Variants in NBEA observed in about 807,000 individuals in gnomAD.
NBEA encodes the protein neurobeachin, also known as lysosomal-trafficking regulator 2.
In NBEA, 44 loss-of-function variants were observed where a neutral mutation model predicts 343.4. The ratio of observed to expected loss-of-function variants is 0.13; its 90% CI spans 0.10 to 0.16. The LOEUF (loss-of-function observed/expected upper bound fraction) is 0.16. NBEA is among the 10% of genes least tolerant of loss of function. The probability of loss-of-function intolerance (pLI) is 1.00; values close to 1 mark genes in which losing one functional copy is unlikely to be tolerated. For synonymous variants in NBEA, 1,175 were observed against 1,238.7 expected (o/e 0.95, Z 1.08); for missense variants, 2,555 against 3,631.3 (o/e 0.70, Z 7.62).
intron 48 of NBEA, among the ~76,000 whole-genome samples, chr13:35,608,334 T>C (rs1215641888): frequency 6.6e-6 from 1 of 152,232 alleles, no homozygotes; most frequent in African/African-American, 2.4e-5. Flanking sequence ...CTTCAATTTA[T>C]ATTTTTAATG....
intron 1 of NBEA, among the ~76,000 whole-genome samples, chr13:34,996,530 C>T (rs1397051120): frequency 6.6e-6 from 1 of 151,416 alleles, no homozygotes; most frequent in African/African-American, 2.4e-5. Flanking sequence ...ATCAAAATTA[C>T]CTTGGTTTTT....
chr13:35,214,477 C>T (rs1469767127), intron 33 of NBEA, among the ~76,000 whole-genome samples: 1 of 151,516 alleles, frequency 6.6e-6, no homozygotes, highest in Non-Finnish European at 1.5e-5. Flanking sequence ...GTTTTCTTTC[C>T]TATTGATTAA....
intron 1 of NBEA, among the ~76,000 whole-genome samples, chr13:35,033,341 T>C (rs2062310986): frequency 6.6e-6 from 1 of 151,982 alleles, no homozygotes; most frequent in Admixed American, 6.6e-5. Flanking sequence ...TTCTGGGTTC[T>C]CTATTTTGTT....
chr13:35,208,289 A>G (rs965937932), intron 31 of NBEA, among the ~76,000 whole-genome samples: 2 of 152,174 alleles, frequency 1.3e-5, no homozygotes, highest in Admixed American at 6.5e-5. Flanking sequence ...ATGTTTTTAC[A>G]TATTTATGAA....
At chr13:35,445,784 A>T (rs1199695829) in intron 39 of NBEA, among the ~76,000 whole-genome samples, 2 of 19,396 alleles carry the variant, frequency 1.0e-4, no homozygotes, top group African/African-American at 2.9e-4. Context: ...ATAAATGTTT[A>T]TATATATATA....
At chr13:35,553,494 A>G (rs368792104) in intron 43 of NBEA, among the ~76,000 whole-genome samples, 125 of 152,214 alleles carry the variant, frequency 8.2e-4, no homozygotes, top group Middle Eastern at 3.4e-3. Context: ...TAGCAATTCA[A>G]TAAATATTGG....
chr13:35,367,758 T>C (rs1330561237), intron 38 of NBEA, among the ~76,000 whole-genome samples: 2 of 151,466 alleles, frequency 1.3e-5, no homozygotes, highest in Non-Finnish European at 3.0e-5. Context: ...GAAGAAAGAC[T>C]TTTGAAGTCT....
At chr13:35,472,706 T>G (rs2075707764) in intron 41 of NBEA, among the ~76,000 whole-genome samples, 170 bp downstream of exon 41, 1 of 152,212 alleles carries the variant, frequency 6.6e-6, no homozygotes, top group Non-Finnish European at 1.5e-5. Context: ...GAAGAATATA[T>G]TAATGAATTT....
chr13:35,208,692 C>A lies in NBEA; in HGVS notation c.5367-8C>A. On this transcript the variant is annotated splice_polypyrimidine_tract_variant and splice_region_variant and intron_variant, in intron 31 of 58. Transcript: ENST00000379939. ...GTTTGTTATTTTCAATCCTTCATTT[C>A]TTTGCAGGAGTGTTGTGGTGCCTGT... 6.5e-7 allele frequency: 1 copy of A among 1,535,620 alleles called. No homozygotes were observed. Among genetic ancestry groups the A allele is most frequent in the Non-Finnish European group, 8.8e-7 (1 of 1,134,506 alleles).
chr13:34,967,789 C>G (rs2059872097), intron 1 of NBEA, among the ~76,000 whole-genome samples: 1 of 152,056 alleles, frequency 6.6e-6, no homozygotes, highest in Non-Finnish European at 1.5e-5. Flanking sequence ...TTTTTCAACA[C>G]CAATTCTCTG....
In NBEA at chr13:35,168,992, T is replaced by C. The variant is rs1406564583; in HGVS notation, c.4239T>C (p.Ser1413=). 3 of 1,501,856 alleles carry C rather than the reference T, an allele frequency of 2.0e-6. No individual in the cohort carries two copies. Among genetic ancestry groups the C allele is most frequent in the South Asian group, 1.4e-5 (1 of 73,222 alleles). The allele number at this position is 1,501,856 out of a possible 1,614,324, so 93.0% of individuals were successfully genotyped here. A position where few individuals can be genotyped will look rare whatever the true frequency, so the allele number is the denominator to read the frequency against. ...LLSAATSPTG[S]KTELENIEVT... is the part of the protein sequence containing the mutation. ...TTTGTCTAATGCATGTCCAGGGTTC[T>C]AAGGTTAGTATTACTTTTGTAGTAA... The change falls in exon 25 of 59, where the codon TCT becomes TCC. Residue 1413 remains serine (S), a synonymous_variant. Transcript: ENST00000379939.
chr13:35,296,876 G>A (rs1282444139), intron 35 of NBEA, among the ~76,000 whole-genome samples: 1 of 151,454 alleles, frequency 6.6e-6, no homozygotes, highest in Non-Finnish European at 1.5e-5. Flanking sequence ...GTAGTTTTCT[G>A]TATCCTCTTT....
At chr13:35,665,979 G>C (rs956296890) in intron 56 of NBEA, among the ~76,000 whole-genome samples, 2 of 152,106 alleles carry the variant, frequency 1.3e-5, no homozygotes, top group Non-Finnish European at 2.9e-5. Context: ...AGGAAACTTA[G>C]GTCCTAGTTC....
intron 36 of NBEA, among the ~76,000 whole-genome samples, chr13:35,332,025 A>G (rs1052608503): frequency 6.6e-6 from 1 of 151,968 alleles, no homozygotes. Flanking sequence ...TATTTTTCTT[A>G]GTGTTCTTCT....
chr13:35,569,269 T>C (rs2080283035), intron 45 of NBEA, among the ~76,000 whole-genome samples: 1 of 152,142 alleles, frequency 6.6e-6, no homozygotes. Context: ...AACTTATTGA[T>C]GTGAGGATGA....
chr13:35,269,912 A>G (rs1031133162), intron 34 of NBEA, among the ~76,000 whole-genome samples: 1 of 152,214 alleles, frequency 6.6e-6, no homozygotes. Flanking sequence ...TAAACTTAGA[A>G]GGATAAATTA....
At chr13:34,962,868 C>T (rs1432459273) in intron 1 of NBEA, among the ~76,000 whole-genome samples, 1 of 151,952 alleles carries the variant, frequency 6.6e-6, no homozygotes, top group African/African-American at 2.4e-5. Context: ...ATTTAGATTG[C>T]TACTTTGTAT....
chr13:35,554,443 C>G (rs2079488946), intron 43 of NBEA, among the ~76,000 whole-genome samples: 1 of 152,150 alleles, frequency 6.6e-6, no homozygotes, highest in African/African-American at 2.4e-5. Flanking sequence ...TTCCTATGTC[C>G]CTTCTTCTGG....
chr13:35,417,941 A>G (rs1057362809), intron 38 of NBEA, among the ~76,000 whole-genome samples: 1 of 152,144 alleles, frequency 6.6e-6, no homozygotes, highest in South Asian at 2.1e-4. Context: ...CAGTGCATAT[A>G]TATTTAGGAT....
Sources: allele counts gnomAD v4.1 joint callset (sites outside exome capture counted in the v4.1 genomes callset), GRCh38; gene constraint gnomAD v4.1.1; transcripts MANE v1.5; gene names NCBI Gene and HGNC (gene_info 2026-07-23, HGNC 2026-07-21).